The following CCDC63 variants were observed in gnomAD, a reference collection of about 807,000 sequenced individuals.
The protein encoded by CCDC63 is coiled-coil domain-containing protein 63.
In CCDC63, 54 loss-of-function variants were observed where a neutral mutation model predicts 63.6. The ratio of observed to expected loss-of-function variants is 0.85; its 90% CI spans 0.68 to 1.07. The LOEUF is 1.07. CCDC63 is among the 50% of genes least tolerant of loss of function. The pLI is 0.00. For synonymous variants in CCDC63, 253 were observed against 266.1 expected, an observed-to-expected ratio of 0.95 and a Z score of 0.48; for missense variants, 637 against 689.6, an observed-to-expected ratio of 0.92 and a Z score of 0.86.
chr12:110,892,090 G>A (rs971588889), intron 8 of CCDC63, among the ~76,000 whole-genome samples: 1 of 152,158 alleles, frequency 6.6e-6, no homozygotes, highest in Non-Finnish European at 1.5e-5. Context: ...AGAATCGGAA[G>A]CCCTGGGCAT....
chr12:110,897,871 C>T (rs895605077), intron 9 of CCDC63, among the ~76,000 whole-genome samples: 1 of 151,702 alleles, frequency 6.6e-6, no homozygotes, highest in Admixed American at 6.6e-5. Context: ...GCTGGAATTA[C>T]AGGCACATGC....
intron 4 of CCDC63, among the ~76,000 whole-genome samples, chr12:110,868,662 A>G (rs1053441255): frequency 9.4e-5 from 14 of 148,584 alleles, no homozygotes; most frequent in African/African-American, 3.5e-4. Flanking sequence ...GTGAGCCGAG[A>G]TGGCAGCAGT....
intron 4 of CCDC63, among the ~76,000 whole-genome samples, chr12:110,860,395 C>T (rs1365678329): frequency 6.6e-6 from 1 of 152,214 alleles, no homozygotes; most frequent in Non-Finnish European, 1.5e-5. Flanking sequence ...GCTCCCTAAG[C>T]AGCCTGACAG....
intron 5 of CCDC63, 74 bp from the exon 6 acceptor site, chr12:110,879,832 T>C (rs2136694800): frequency 6.8e-7 from 1 of 1,474,218 alleles, no homozygotes; most frequent in Non-Finnish European, 9.4e-7. Flanking sequence ...CCTGACAGCC[T>C]TCCAGGTGCC....
At chr12:110,887,512 G>A (rs1366317160) in intron 8 of CCDC63, among the ~76,000 whole-genome samples, 1 of 152,046 alleles carries the variant, frequency 6.6e-6, no homozygotes, top group African/African-American at 2.4e-5. Flanking sequence ...TAAAACATAG[G>A]AAATGGAGCA....
At chr12:110,868,316 T>A (rs1465274392) in intron 4 of CCDC63, among the ~76,000 whole-genome samples, 1 of 133,914 alleles carries the variant, frequency 7.5e-6, no homozygotes, top group African/African-American at 3.0e-5. Flanking sequence ...CGCTCCTCAC[T>A]TCCCAGACGG....
upstream of CCDC63, among the ~76,000 whole-genome samples, chr12:110,846,390 A>G (rs2070637316): frequency 6.6e-6 from 1 of 152,210 alleles, no homozygotes; most frequent in African/African-American, 2.4e-5. Flanking sequence ...TAGGGCAGTG[A>G]AAAGCTCACT....
chr12:110,902,156 C>A (rs1019071820), intron 10 of CCDC63, among the ~76,000 whole-genome samples: 1 of 152,020 alleles, frequency 6.6e-6, no homozygotes, highest in African/African-American at 2.4e-5. Context: ...TCCATTCAGG[C>A]GAGCCACTCT....
chr12:110,877,058 G>A (rs889932170), intron 5 of CCDC63, among the ~76,000 whole-genome samples: 22 of 151,998 alleles, frequency 1.4e-4, no homozygotes, highest in African/African-American at 5.3e-4. Flanking sequence ...TATATTTAAG[G>A]TATATAATAT....
At chr12:110,865,783 T>C (rs573382602) in intron 4 of CCDC63, among the ~76,000 whole-genome samples, 1 of 152,346 alleles carries the variant, frequency 6.6e-6, no homozygotes, top group African/African-American at 2.4e-5. Flanking sequence ...TGTTGGGGTT[T>C]CTGGGAAAGT....
intron 4 of CCDC63, among the ~76,000 whole-genome samples, chr12:110,867,574 G>A (rs2070983612): frequency 7.1e-6 from 1 of 140,836 alleles, no homozygotes; most frequent in South Asian, 2.2e-4. Flanking sequence ...CCGGGCGGGG[G>A]GCTGACCCCC....
chr12:110,848,284 T>C (rs2070664875), intron 1 of CCDC63, among the ~76,000 whole-genome samples: 1 of 152,144 alleles, frequency 6.6e-6, no homozygotes, highest in South Asian at 2.1e-4. Context: ...ATTGGCCCCA[T>C]GGACTATGAG....
chr12:110,901,734 A>C (rs2071490100), intron 10 of CCDC63, among the ~76,000 whole-genome samples: 1 of 152,072 alleles, frequency 6.6e-6, no homozygotes, highest in Non-Finnish European at 1.5e-5. Flanking sequence ...CTCCAGTTCC[A>C]TCCATGTTGT....
chr12:110,856,557 T>G (rs906619396), intron 3 of CCDC63, among the ~76,000 whole-genome samples: 1 of 152,038 alleles, frequency 6.6e-6, no homozygotes, highest in Non-Finnish European at 1.5e-5. Flanking sequence ...CTATTTACAT[T>G]TGTAATTAAT....
intron 5 of CCDC63, among the ~76,000 whole-genome samples, chr12:110,879,148 A>C (rs1200681042): frequency 1.3e-5 from 2 of 152,228 alleles, no homozygotes; most frequent in Admixed American, 6.5e-5. Flanking sequence ...AAAATGAATA[A>C]TATTTCCATA....
chr12:110,883,163 G>A (rs2071230171), intron 7 of CCDC63, among the ~76,000 whole-genome samples: 1 of 151,740 alleles, frequency 6.6e-6, no homozygotes, highest in South Asian at 2.1e-4. Flanking sequence ...TCAGCCTCCT[G>A]AGTAGCTGGG....
In CCDC63 at chr12:110,853,471, C is replaced by G. The variant is rs764927508; in HGVS notation, c.76C>G (p.Gln26Glu). 52 of 1,614,038 alleles carry G rather than the reference C, an allele frequency of 3.2e-5. No homozygotes were observed. Among genetic ancestry groups the G allele is most frequent in the Non-Finnish European group, 1.7e-6 (2 of 1,180,024 alleles). The change falls in exon 3 of 12, where the codon CAG (glutamine) becomes GAG (glutamate). Residue 26 changes from glutamine to glutamate, a missense_variant. By Grantham distance (29) the Gln-to-Glu change is conservative. Transcript: ENST00000308208. ...ACCTTCGGAGAAGGCCAAAGAGCAG[C>G]AGGCGGAGGCAGAGCTCCGGAAGCT... ...QEPSEKAKEQ[Q>E]AEAELRKLRQ...
rs1367161731 is a variant in CCDC63, at chr12:110,907,322, T to G, written c.1547-9T>G. The G allele has an allele frequency of 6.2e-7, 1 of 1,612,578 alleles. No individual in the cohort carries two copies. The highest frequency in any genetic ancestry group is 1.7e-5 in the Admixed American group (1 of 59,916). ...CCCAGCACCTCACACAAATCTGATC[T>G]TGGTGCAGTGGAACAGCCCCTGGAC... On this transcript the variant is annotated splice_polypyrimidine_tract_variant and intron_variant, in intron 11 of 11. Transcript: ENST00000308208. The surrounding 1 kb of genome is among the most constrained non-coding windows in gnomAD (Gnocchi z 4.4).
chr12:110,868,743 GAGGGGGAGGGGAA>G (rs1162375374), intron 4 of CCDC63, among the ~76,000 whole-genome samples: 143 of 105,372 alleles, frequency 1.4e-3, no homozygotes, highest in Non-Finnish European at 1.9e-3. Flanking sequence ...GGGAGAGGGA[GAGGGGGAGGGGAA>G]GGGGGAGGGG....
Sources: allele counts gnomAD v4.1 joint callset (sites outside exome capture counted in the v4.1 genomes callset), GRCh38; gene constraint gnomAD v4.1.1; non-coding constraint Gnocchi (gnomAD v3.1); transcripts MANE v1.5; gene names NCBI Gene and HGNC (gene_info 2026-07-23, HGNC 2026-07-21).